XKR9: variants seen among roughly 807,000 people sequenced by gnomAD.
XKR9 encodes the protein XK related 9.
Under a neutral mutation model 32.0 loss-of-function variants are expected in XKR9, and 32 were observed. That is an observed-to-expected ratio of 1.00 (90% CI 0.76 to 1.34). The LOEUF is 1.34. Ranked by LOEUF, XKR9 falls within the 40% of genes most tolerant of loss-of-function variation. The pLI is 0.00. For missense variants in XKR9, 546 were observed against 429.7 expected, an observed-to-expected ratio of 1.27 and a Z score of -2.39; for synonymous variants, 168 against 143.4, an observed-to-expected ratio of 1.17 and a Z score of -1.22.
the XKR9 span, among the ~76,000 whole-genome samples, chr8:71,000,064 A>C: frequency 1.3e-5 from 2 of 152,190 alleles, no homozygotes. Flanking sequence ...TTTATGCACA[A>C]TTTATTCACA....
the XKR9 span, among the ~76,000 whole-genome samples, chr8:71,037,851 A>C: frequency 6.6e-6 from 1 of 152,214 alleles, no homozygotes; most frequent in Non-Finnish European, 1.5e-5. Flanking sequence ...AGAATGAAGT[A>C]AGTTCCTGGA....
chr8:70,698,083 T>G (rs1478771397), intron 3 of XKR9, among the ~76,000 whole-genome samples: 1 of 152,160 alleles, frequency 6.6e-6, no homozygotes, highest in Non-Finnish European at 1.5e-5. Flanking sequence ...CTTTTCTTCT[T>G]TATTAGTCTT....
chr8:70,761,410 G>GT (rs1428352340), intron 2 of XKR9, among the ~76,000 whole-genome samples: 4 of 152,078 alleles, frequency 2.6e-5, no homozygotes, highest in African/African-American at 9.7e-5. Context: ...TCTGACTGGT[G>GT]TGAGATGGTG....
At chr8:70,744,431 C>T (rs898397162) in intron 2 of XKR9, among the ~76,000 whole-genome samples, 5 of 152,074 alleles carry the variant, frequency 3.3e-5, no homozygotes, top group African/African-American at 1.2e-4. Context: ...ATATTATTAT[C>T]ATCACTACCC....
chr8:70,754,076 A>G (rs1807182094), intron 2 of XKR9, among the ~76,000 whole-genome samples: 1 of 147,462 alleles, frequency 6.8e-6, no homozygotes, highest in African/African-American at 2.4e-5. Context: ...GTCTCAGGAT[A>G]CAAAATCAAT....
chr8:70,743,752 A>T (rs1038796367), intron 2 of XKR9, among the ~76,000 whole-genome samples: 1 of 152,084 alleles, frequency 6.6e-6, no homozygotes, highest in South Asian at 2.1e-4. Context: ...TGTGATCACC[A>T]CATACTCTGT....
chr8:70,725,413 A>C (rs1806430806), intron 4 of XKR9, among the ~76,000 whole-genome samples: 1 of 152,214 alleles, frequency 6.6e-6, no homozygotes. Context: ...AACAGTGTAC[A>C]AAATAAATTC....
chr8:70,800,733 G>A, the XKR9 span, among the ~76,000 whole-genome samples: 21 of 152,060 alleles, frequency 1.4e-4, no homozygotes, highest in African/African-American at 3.6e-4. Context: ...TGATCTGCCC[G>A]CCTCAGCCTC....
the XKR9 span, among the ~76,000 whole-genome samples, chr8:70,856,659 A>G: frequency 6.6e-6 from 1 of 152,218 alleles, no homozygotes; most frequent in Non-Finnish European, 1.5e-5. Context: ...CCCCAAATCA[A>G]CAGAATATAC....
At chr8:70,813,193 A>T in the XKR9 span, among the ~76,000 whole-genome samples, 1 of 152,226 alleles carries the variant, frequency 6.6e-6, no homozygotes, top group East Asian at 1.9e-4. Context: ...GCAATGGGGA[A>T]AGGATTCCCT....
chr8:70,988,962 G>T, the XKR9 span, among the ~76,000 whole-genome samples: 16 of 152,110 alleles, frequency 1.1e-4, no homozygotes, highest in South Asian at 8.3e-4. Context: ...TACCCTCAAG[G>T]TTCATCCATA....
intron 4 of XKR9, among the ~76,000 whole-genome samples, chr8:70,731,869 A>G (rs1300089597): frequency 6.6e-6 from 1 of 152,224 alleles, no homozygotes; most frequent in African/African-American, 2.4e-5. Flanking sequence ...ATACAAACAT[A>G]CACTAAGACA....
At position 70,689,047 on chromosome 8, in the gene XKR9, C is replaced by T. The variant is rs554782136; in HGVS notation, c.272+7717C>T. ...AAACAAAAGCAAAAATCCCAACACA[C>T]AGAACAAAAGCATAACAAAGAAAAA... On this transcript the variant is annotated intron_variant, in intron 3 of 4. Coordinates refer to ENST00000408926, the MANE Select transcript of XKR9 (RefSeq NM_001011720.2). 3.3e-5 allele frequency among the ~76,000 whole-genome samples: 5 copies of T among 152,074 alleles called. No homozygotes were observed. In the East Asian group the frequency reaches 9.7e-4, roughly 29 times the overall value.
At chr8:70,998,584 A>T in the XKR9 span, among the ~76,000 whole-genome samples, 6 of 152,218 alleles carry the variant, frequency 3.9e-5, no homozygotes, top group Non-Finnish European at 8.8e-5. Flanking sequence ...TGGAGACAAT[A>T]TGAATAACTT....
chr8:70,702,136 G>A (rs536327503), intron 3 of XKR9, among the ~76,000 whole-genome samples: 44 of 152,112 alleles, frequency 2.9e-4, no homozygotes, highest in African/African-American at 8.9e-4. Flanking sequence ...AATTTAAAAC[G>A]CCTTAGAGAG....
At chr8:71,025,051 A>C in the XKR9 span, among the ~76,000 whole-genome samples, 1 of 152,198 alleles carries the variant, frequency 6.6e-6, no homozygotes, top group Non-Finnish European at 1.5e-5. Context: ...AATCTTTCTA[A>C]TAACGCTGTG....
At chr8:71,009,119 A>G in the XKR9 span, among the ~76,000 whole-genome samples, 181 of 152,118 alleles carry the variant, frequency 1.2e-3, 1 homozygote, top group African/African-American at 4.2e-3. Flanking sequence ...AATCAGCACT[A>G]TGGGATGTGG....
chr8:70,867,330 G>A, the XKR9 span, among the ~76,000 whole-genome samples: 111 of 152,298 alleles, frequency 7.3e-4, no homozygotes, highest in African/African-American at 2.5e-3. Flanking sequence ...GGGAATTCAA[G>A]ATGAGATTTG....
chr8:70,855,607 G>T, the XKR9 span, among the ~76,000 whole-genome samples: 1 of 152,206 alleles, frequency 6.6e-6, no homozygotes, highest in Non-Finnish European at 1.5e-5. Context: ...CCAACGTTCA[G>T]ATTCAGGAAA....
Sources: allele counts gnomAD v4.1 joint callset (sites outside exome capture counted in the v4.1 genomes callset), GRCh38; gene constraint gnomAD v4.1.1; transcripts MANE v1.5; gene names NCBI Gene and HGNC (gene_info 2026-07-23, HGNC 2026-07-21).